Variants in PFAS observed in about 807,000 individuals in gnomAD.
PFAS encodes FGAM synthase.
A neutral mutation model predicts 140.6 loss-of-function variants in PFAS; 97 were observed. That is an observed-to-expected ratio of 0.69 (90% CI 0.59 to 0.82). The LOEUF is 0.82. Among genes scored for constraint, PFAS ranks in the 40% least tolerant of loss-of-function variants. The pLI, the probability that PFAS is intolerant of heterozygous loss-of-function variation, is 0.00. For missense variants in PFAS, 1,656 were observed against 1,780.2 expected, an observed-to-expected ratio of 0.93 and a Z score of 1.26; for synonymous variants, 679 against 718.8, an observed-to-expected ratio of 0.94 and a Z score of 0.88.
intron 7 of PFAS, 25 bp from the exon 8 acceptor site, chr17:8,256,499 A>G (rs761308754): frequency 1.2e-6 from 2 of 1,613,966 alleles, no homozygotes; most frequent in East Asian, 2.2e-5. Context: ...AAAGGAAGCA[A>G]GGTCCATGAC....
rs559425545 is a variant in PFAS at position 8,262,959 on chromosome 17, T to C, written c.1376T>C (p.Ile459Thr). 3 of 1,613,932 alleles carry C rather than the reference T, an allele frequency of 1.9e-6. No individual in the cohort carries two copies. The highest frequency in any genetic ancestry group is 1.3e-5 in the African/African-American group (1 of 74,974). ...AAGGTTGGAGGTCCCGTCTACAGGA[T>C]TGGAGTTGGAGGTGGAGCTGCTTCA... Reference protein sequence around the residue: ...VVKVGGPVYRIGVGGGAASSV... With the variant: ...VVKVGGPVYRTGVGGGAASSV... Residue 459 changes from isoleucine (I) to threonine (T), a missense_variant, in exon 12 of 28, where the codon ATT becomes ACT. Physicochemically the swap from Ile to Thr is moderately conservative, Grantham distance 89. Coordinates refer to ENST00000314666, the MANE Select transcript of PFAS (RefSeq NM_012393.3).
rs561524307 is a variant in PFAS, at chr17:8,255,294, G to A, written c.384+162G>A. On this transcript the variant is annotated intron_variant, in intron 4 of 27. Transcript: ENST00000314666. ...AAAGTACCTGGTTGAGGGGTAAATG[G>A]GGCAGAAATCCAGCCTATGCTTCCT... Among the ~76,000 whole-genome samples the A allele has an allele frequency of 4.6e-5, 7 of 152,272 alleles. No individual in the cohort carries two copies. The South Asian group carries it at 6.2e-4, about 14-fold the overall frequency.
chr17:8,260,826 G>A (rs543610696), intron 11 of PFAS, among the ~76,000 whole-genome samples: 12 of 152,096 alleles, frequency 7.9e-5, no homozygotes, highest in African/African-American at 2.2e-4. Context: ...GGGTTTTGCC[G>A]TGTTAGCCAG....
rs1597416887 is a variant in PFAS, at chr17:8,255,066, A to G, written c.318A>G (p.Ser106=). 3.1e-6 allele frequency: 5 copies of G among 1,613,916 alleles called. No homozygotes were observed. The highest frequency in any genetic ancestry group is 2.7e-5 in the African/African-American group (2 of 75,002). Residue 106 remains serine (S), a synonymous_variant, in exon 4 of 28, where the codon TCA becomes TCG. Transcript: ENST00000314666. The stretch of plus-strand genomic sequence containing the variant: ...CCCCAACATCCACCAACATCGTGTC[A>G]GTGTGCCGCGCCACTGGGCTGGGGC... The part of the protein sequence containing the change: ...FSTPTSTNIV[S]VCRATGLGPV...
chr17:8,263,434 C>T (rs563322195), intron 13 of PFAS, 141 bp from the exon 14 acceptor site: 9 of 1,001,420 alleles, frequency 9.0e-6, no homozygotes, highest in Admixed American at 3.7e-5. Flanking sequence ...AGCCTGCTGC[C>T]GTGGGATGAT....
intron 3 of PFAS, 127 bp from the exon 4 acceptor site, chr17:8,254,900 G>A: frequency 1.5e-6 from 1 of 669,522 alleles, no homozygotes; most frequent in South Asian, 1.8e-5. Context: ...TGCCCAGCCT[G>A]AGGCTGAAAG....
Position 8,252,698 on chromosome 17 carries a change from C to T in PFAS, c.-79-1161C>T, listed in dbSNP as rs1253002625. 2.6e-5 allele frequency among the ~76,000 whole-genome samples: 4 copies of T among 152,170 alleles called. No homozygotes were observed. In the East Asian group the frequency reaches 7.7e-4, roughly 29 times the overall value. Reference sequence around the variant, plus strand: ...GCGGCTTGATCACTGCTCACTGCAGCCTCCGCCTCCCCAGGCTCAAGTGAT... The same window carrying T: ...GCGGCTTGATCACTGCTCACTGCAGTCTCCGCCTCCCCAGGCTCAAGTGAT... On this transcript the variant is annotated intron_variant, in intron 1 of 27. Transcript: ENST00000314666.
intron 26 of PFAS, among the ~76,000 whole-genome samples, chr17:8,268,296 C>T (rs1989911938): frequency 2.1e-5 from 3 of 145,862 alleles, no homozygotes; most frequent in South Asian, 4.4e-4. Context: ...TCGCTTGAAC[C>T]CAGGAGGCAG....
intron 20 of PFAS, 83 bp downstream of exon 20, chr17:8,265,722 CTCAACACTG>C (rs1268557926): frequency 7.2e-7 from 1 of 1,396,568 alleles, no homozygotes; most frequent in East Asian, 2.3e-5. Context: ...GGGCCCCCAT[CTCAACACTG>C]GGCTGTGGTG....
Position 8,255,589 on chromosome 17 carries a change from A to AT in PFAS, c.473dup (p.Gln159ProfsTer6). The AT allele has an allele frequency of 6.4e-7, 1 of 1,570,768 alleles. No individual in the cohort carries two copies. Among genetic ancestry groups the AT allele is most frequent in the Non-Finnish European group, 8.6e-7 (1 of 1,162,310 alleles). The stretch of plus-strand genomic sequence containing the variant: ...GACAGAGCAGCACTTCCCCCATCCC[A>AT]TCCAGAGTTTCTCCCCTGAGAGCAT... On this transcript the variant is annotated frameshift_variant, in exon 5 of 28. Transcript: ENST00000314666. LOFTEE classifies it high-confidence loss of function.
In PFAS at chr17:8,257,926, C is replaced by A; in HGVS notation, c.1195C>A (p.Pro399Thr). Residue 399 changes from proline (P) to threonine (T), a missense_variant, in exon 10 of 28, where the codon CCA becomes ACA. Pro to Thr is a conservative substitution (Grantham distance 38). Transcript: ENST00000314666. ...ASDYGNKFGE[P>T]VLAGFARSLG... ...TGACTATGGCAACAAGTTTGGGGAACCAGTGCTGGCTGGTGAGGCTGGGGT... is the reference window on the plus strand; with the variant it reads ...TGACTATGGCAACAAGTTTGGGGAAACAGTGCTGGCTGGTGAGGCTGGGGT... 1 of 1,614,170 alleles carries A rather than the reference C, an allele frequency of 6.2e-7. No individual in the cohort carries two copies. Among genetic ancestry groups the A allele is most frequent in the Non-Finnish European group, 8.5e-7 (1 of 1,180,038 alleles).
At chr17:8,259,140 AG>A (rs1989492354) in intron 11 of PFAS, among the ~76,000 whole-genome samples, 1 of 149,738 alleles carries the variant, frequency 6.7e-6, no homozygotes, top group Non-Finnish European at 1.5e-5. Flanking sequence ...AAAAAAAAAA[AG>A]ACGTGGTAAA....
chr17:8,262,971 G>A lies in PFAS; in HGVS notation c.1388G>A (p.Gly463Asp), dbSNP rs754031293. ...CCCGTCTACAGGATTGGAGTTGGAG[G>A]TGGAGCTGCTTCATCTGTGCAGGTG... is the stretch of plus-strand genomic sequence containing the variant. ...GGPVYRIGVG[G>D]GAASSVQVQG... The change falls in exon 12 of 28, where the codon GGT becomes GAT. Residue 463 changes from glycine to aspartate, a missense_variant. Gly to Asp is a moderately conservative substitution (Grantham distance 94, BLOSUM62 -1). Coordinates refer to ENST00000314666, the MANE Select transcript of PFAS (RefSeq NM_012393.3). 6.2e-7 allele frequency: 1 copy of A among 1,614,080 alleles called. No homozygotes were observed. Among genetic ancestry groups the A allele is most frequent in the South Asian group, 1.1e-5 (1 of 91,084 alleles).
In PFAS at chr17:8,250,364, G is replaced by A. The variant is rs147839422; in HGVS notation, c.-80+1025G>A. ...GAGGTTAATGCATTGGTCCAGGTGA[G>A]TGATGGTGGTGGCTTACTTGAACTA... On this transcript the variant is annotated intron_variant, in intron 1 of 27. Coordinates refer to ENST00000314666, the MANE Select transcript of PFAS (RefSeq NM_012393.3). 4.9e-3 allele frequency among the ~76,000 whole-genome samples: 740 copies of A among 152,326 alleles called. 4 individuals carry two copies. The highest frequency in any genetic ancestry group is 0.016 in the African/African-American group (684 of 41,566).
intron 11 of PFAS, among the ~76,000 whole-genome samples, chr17:8,259,881 A>G (rs1989522525): frequency 6.6e-6 from 1 of 152,196 alleles, no homozygotes; most frequent in Non-Finnish European, 1.5e-5. Context: ...TGGGCAGATC[A>G]CCTGAGGTCA....
At position 8,258,129 on chromosome 17, in the gene PFAS, GC is replaced by G; in HGVS notation, c.1269del (p.Ile424SerfsTer15). ...ACGGCCAGCGGCGTGAGTGGATCAAGCCCATCATGTTTAGTGGGGGCATTGG... is the reference window on the plus strand; with the variant it reads ...ACGGCCAGCGGCGTGAGTGGATCAAGCCATCATGTTTAGTGGGGGCATTGG... ...PDGQRREWIK[P>X]IMFSGGIGSM... is the part of the protein sequence containing the mutation. On this transcript the variant is annotated frameshift_variant, in exon 11 of 28. Coordinates refer to ENST00000314666, the MANE Select transcript of PFAS (RefSeq NM_012393.3). LOFTEE classifies it high-confidence loss of function. 6.2e-7 allele frequency: 1 copy of G among 1,614,128 alleles called. No homozygotes were observed. The highest frequency in any genetic ancestry group is 8.5e-7 in the Non-Finnish European group (1 of 1,180,016).
At position 8,267,057 on chromosome 17, in the gene PFAS, T is replaced by C; in HGVS notation, c.2997T>C (p.Val999=). The change falls in exon 24 of 28, where the codon GTT becomes GTC. Residue 999 remains valine, a synonymous_variant. Transcript: ENST00000314666. The surrounding 1 kb of genome is among the most constrained non-coding windows in gnomAD (Gnocchi z 4.9). ...GGGTGTCAGTGAACGGGGCTGTGGTTCTGGAGGAGCCTGTTGGGGAGCTGC... is the reference window on the plus strand; with the variant it reads ...GGGTGTCAGTGAACGGGGCTGTGGTCCTGGAGGAGCCTGTTGGGGAGCTGC... The part of the protein sequence containing the change: ...MVRVSVNGAV[V]LEEPVGELRA... 6.2e-7 allele frequency: 1 copy of C among 1,614,000 alleles called. No individual in the cohort carries two copies. Among genetic ancestry groups the C allele is most frequent in the South Asian group, 1.1e-5 (1 of 91,078 alleles).
At chr17:8,264,036 A>AG (rs2151591603) in intron 15 of PFAS, 100 bp downstream of exon 15, 2 of 1,494,570 alleles carry the variant, frequency 1.3e-6, no homozygotes, top group East Asian at 4.5e-5. Context: ...GACGAGAGGA[A>AG]GATGGGAGGT....
chr17:8,259,415 T>C (rs1279052947), intron 11 of PFAS, among the ~76,000 whole-genome samples: 1 of 152,084 alleles, frequency 6.6e-6, no homozygotes, highest in Non-Finnish European at 1.5e-5. Flanking sequence ...GGATTACAGG[T>C]GTGAGCCATG....
Sources: allele counts gnomAD v4.1 joint callset (sites outside exome capture counted in the v4.1 genomes callset), GRCh38; gene constraint gnomAD v4.1.1; non-coding constraint Gnocchi (gnomAD v3.1); transcripts MANE v1.5; gene names NCBI Gene and HGNC (gene_info 2026-07-23, HGNC 2026-07-21).